The following DVL1 variants were observed in gnomAD, a reference collection of about 807,000 sequenced individuals.
DVL1 encodes the protein segment polarity protein dishevelled homolog DVL-1.
A neutral mutation model predicts 65.0 loss-of-function variants in DVL1; 49 were observed. The observed-to-expected ratio is 0.75, with a 90% CI of 0.60 to 0.96. The LOEUF (loss-of-function observed/expected upper bound fraction) is 0.96. Ranked by LOEUF, DVL1 falls within the 40% of genes least tolerant of loss-of-function variation. DVL1 has a pLI of 0.00. For synonymous variants in DVL1, 608 were observed against 433.9 expected, an observed-to-expected ratio of 1.40 and a Z score of -4.99; for missense variants, 1,197 against 1,045.4, an observed-to-expected ratio of 1.15 and a Z score of -2.00.
chr1:1,345,162 C>T (rs1479052865), intron 1 of DVL1, among the ~76,000 whole-genome samples: 3 of 152,130 alleles, frequency 2.0e-5, no homozygotes, highest in Admixed American at 2.0e-4. Flanking sequence ...CAGGGCCTCA[C>T]GAAGACCCCA....
intron 1 of DVL1, among the ~76,000 whole-genome samples, chr1:1,345,674 G>A (rs945275507): frequency 6.6e-6 from 1 of 152,186 alleles, no homozygotes; most frequent in African/African-American, 2.4e-5. Flanking sequence ...AGCCAGCATG[G>A]CCACACAGGA....
chr1:1,340,593 G>T (rs111406534), intron 5 of DVL1, 90 bp from the exon 6 acceptor site: 20 of 1,392,244 alleles, frequency 1.4e-5, no homozygotes, highest in African/African-American at 1.0e-4. Context: ...GGAATCGGGG[G>T]TCTAGGCCAG....
Position 1,338,197 on chromosome 1 carries a change from G to A in DVL1, c.1508-14C>T, listed in dbSNP as rs1643653389. 2.5e-6 allele frequency: 4 copies of A among 1,598,018 alleles called. No individual in the cohort carries two copies. The highest frequency in any genetic ancestry group is 3.4e-6 in the Non-Finnish European group (4 of 1,171,724). On this transcript the variant is annotated splice_polypyrimidine_tract_variant and intron_variant, in intron 13 of 14. Transcript: ENST00000378888. ...GGGTGGCGAGATCTGGCGGGGGAGG[G>A]TAGGTGAGGGCCGCGGAGGGGCCTC...
chr1:1,342,566 G>A, intron 2 of DVL1, 82 bp from the exon 3 acceptor site: 1 of 1,574,406 alleles, frequency 6.4e-7, no homozygotes, highest in Non-Finnish European at 8.6e-7. Flanking sequence ...CAGGGGGCCA[G>A]CAAGCTGCCC....
rs760621481 is a variant in DVL1, at chr1:1,348,886, G to A, written c.170+10C>T. The A allele has an allele frequency of 1.9e-5, 29 of 1,533,124 alleles. No homozygotes were observed. The highest frequency in any genetic ancestry group is 2.6e-5 in the Non-Finnish European group (29 of 1,137,060). The allele number at this position is 1,533,124 out of a possible 1,614,324, so 95.0% of individuals were successfully genotyped here. On this transcript the variant is annotated intron_variant, in intron 1 of 14. Coordinates refer to ENST00000378888, the MANE Select transcript of DVL1 (RefSeq NM_001330311.2). ...GCGCCAGGCTCGCGCAGGCCTCGCGGCCGACTGACCCGAAGTCCTGGTCCA... is the reference window on the plus strand; with the variant it reads ...GCGCCAGGCTCGCGCAGGCCTCGCGACCGACTGACCCGAAGTCCTGGTCCA...
At position 1,336,332 on chromosome 1, in the gene DVL1, T is replaced by C; in HGVS notation, c.1898A>G (p.Gln633Arg). Residue 633 changes from glutamine (Q) to arginine (R), a missense_variant, in exon 15 of 15, where the codon CAG (glutamine) becomes CGG (arginine). By Grantham distance (43) the Gln-to-Arg change is conservative. Transcript: ENST00000378888. ...QLSRGSSPRS[Q>R]ASATAPGLPP... ...GAGCCCCGGGGCGGTAGCCGAGGCC[T>C]GACTGCGTGGGCTGCTGCCACGGCT... is the stretch of plus-strand genomic sequence containing the variant. 6.3e-7 allele frequency: 1 copy of C among 1,588,540 alleles called. No homozygotes were observed. Among genetic ancestry groups the C allele is most frequent in the Non-Finnish European group, 8.5e-7 (1 of 1,174,434 alleles).
chr1:1,340,220 C>A (rs1358161495), intron 7 of DVL1, 27 bp downstream of exon 7: 4 of 1,613,852 alleles, frequency 2.5e-6, no homozygotes, highest in Non-Finnish European at 3.4e-6. Context: ...CCTGCCCCTG[C>A]CCCCAACCCT....
chr1:1,342,028 A>C, intron 4 of DVL1, 25 bp downstream of exon 4: 1 of 1,539,962 alleles, frequency 6.5e-7, no homozygotes, highest in Non-Finnish European at 8.8e-7. Flanking sequence ...GGGGGTCCAC[A>C]GCTGGGCAGA....
In DVL1 at chr1:1,349,119, C is replaced by T. The variant is rs1021164951; in HGVS notation, c.-54G>A. On this transcript the variant is annotated 5_prime_UTR_variant, in exon 1 of 15. Coordinates refer to ENST00000378888, the MANE Select transcript of DVL1 (RefSeq NM_001330311.2). This position sits in a 1 kb window ranked among gnomAD's most constrained non-coding sequence, Gnocchi z 4.1. The stretch of plus-strand genomic sequence containing the variant: ...CTCAGGGCCCGGCCCGGGGCTCGGA[C>T]GCGGGGCGCTACCCGCCCGCCCGCC... 57 of 1,055,294 alleles carry T rather than the reference C, an allele frequency of 5.4e-5. No individual in the cohort carries two copies. In the African/African-American group the frequency reaches 9.4e-4, roughly 17 times the overall value. 65.4% of individuals were successfully genotyped at this position (1,055,294 alleles called of 1,614,324 possible). A position where few individuals can be genotyped will look rare whatever the true frequency, so the allele number is the denominator to read the frequency against.
At chr1:1,341,128 T>C (rs1230347383) in intron 5 of DVL1, among the ~76,000 whole-genome samples, 2 of 130,840 alleles carry the variant, frequency 1.5e-5, no homozygotes, top group East Asian at 2.4e-4. Flanking sequence ...CGCCTGCACA[T>C]GCACACCTGC....
At position 1,339,439 on chromosome 1, in the gene DVL1, G is replaced by A. The variant is rs887932513; in HGVS notation, c.1055C>T (p.Ala352Val). ...TPRSYFTVPR[A>V]DPVRPIDPAA... ...GGGGTCGATGGGCCGCACCGGGTCA[G>A]CTGGGTGGCCGCCACGTGGCGATGA... Residue 352 changes from alanine to valine, a missense_variant and splice_region_variant, in exon 11 of 15, where the codon GCT (alanine) becomes GTT (valine). Transcript: ENST00000378888. 2 of 1,547,546 alleles carry A rather than the reference G, an allele frequency of 1.3e-6. No individual in the cohort carries two copies. The highest frequency in any genetic ancestry group is 1.4e-5 in the African/African-American group (1 of 72,948).
intron 1 of DVL1, among the ~76,000 whole-genome samples, chr1:1,347,898 C>T (rs1331289097): frequency 6.6e-6 from 1 of 152,188 alleles, no homozygotes; most frequent in African/African-American, 2.4e-5. Context: ...TCTAGATGTC[C>T]CTTGGGCCCC....
chr1:1,345,081 G>A (rs1472820260), intron 1 of DVL1, among the ~76,000 whole-genome samples: 1 of 152,100 alleles, frequency 6.6e-6, no homozygotes, highest in African/African-American at 2.4e-5. Flanking sequence ...GCACCCGCCT[G>A]GCTCCACCGG....
chr1:1,339,252 G>T, intron 11 of DVL1, 35 bp downstream of exon 11: 1 of 1,547,940 alleles, frequency 6.5e-7, no homozygotes, highest in Non-Finnish European at 8.7e-7. Flanking sequence ...TCCAAGCCTC[G>T]GTTTCTGCTG....
Position 1,339,398 on chromosome 1 carries a change from G to A in DVL1, c.1096C>T (p.His366Tyr), listed in dbSNP as rs1643705911. ...AGGGCTCCTGTCAGTGCCGCCGTGT[G>A]GGACAGCCAGGCGGCGGGGTCGATG... ...RPIDPAAWLS[H>Y]TAALTGALPR... Residue 366 changes from histidine (H) to tyrosine (Y), a missense_variant, in exon 11 of 15, where the codon CAC (histidine) becomes TAC (tyrosine). Transcript: ENST00000378888. 2 of 1,549,112 alleles carry A rather than the reference G, an allele frequency of 1.3e-6. No homozygotes were observed. The highest frequency in any genetic ancestry group is 8.7e-7 in the Non-Finnish European group (1 of 1,146,732).
Position 1,340,077 on chromosome 1 carries a change from G to C in DVL1, c.870C>G (p.Ala290=). The C allele has an allele frequency of 6.2e-7, 1 of 1,613,006 alleles. No individual in the cohort carries two copies. The highest frequency in any genetic ancestry group is 1.7e-5 in the Admixed American group (1 of 60,006). ...CGCCGGGCTCGATGCGGCCGTCAGC[G>C]GCCACAGCCCCGCCCTTCATGATGG... The part of the protein sequence containing the change: ...IGSIMKGGAV[A]ADGRIEPGDM... Residue 290 remains alanine (A), a synonymous_variant, in exon 8 of 15, where the codon GCC becomes GCG. Coordinates refer to ENST00000378888, the MANE Select transcript of DVL1 (RefSeq NM_001330311.2).
intron 14 of DVL1, chr1:1,337,043 C>T: frequency 2.0e-6 from 2 of 988,522 alleles, no homozygotes; most frequent in Non-Finnish European, 2.4e-6. Context: ...TCCGCTAGTC[C>T]TTCAGTCTAA....
At chr1:1,337,461 C>G (rs551770935) in intron 14 of DVL1, among the ~76,000 whole-genome samples, 4 of 152,216 alleles carry the variant, frequency 2.6e-5, no homozygotes, top group African/African-American at 7.2e-5. Flanking sequence ...GCTCCCTACC[C>G]GGGCTGCAGC....
chr1:1,341,537 C>G (rs1643827452), intron 5 of DVL1, 130 bp downstream of exon 5: 2 of 1,231,180 alleles, frequency 1.6e-6, no homozygotes, highest in Non-Finnish European at 2.2e-6. Flanking sequence ...CAGACATTTG[C>G]AGGCACACAC....
Sources: gnomAD v4.1 joint callset for allele counts (sites outside exome capture counted in the v4.1 genomes callset) on GRCh38, gnomAD v4.1.1 for gene constraint, Gnocchi (gnomAD v3.1) non-coding constraint, MANE v1.5 for transcripts, NCBI Gene and HGNC (gene_info 2026-07-23, HGNC 2026-07-21) for gene names.